SEL1L: variants seen among roughly 807,000 people sequenced by gnomAD.
The protein encoded by SEL1L is protein sel-1 homolog 1.
SEL1L carries 52 observed loss-of-function variants against 109.8 expected under a neutral mutation model. The observed-to-expected ratio is 0.47, with a 90% confidence interval of 0.38 to 0.60. The LOEUF (loss-of-function observed/expected upper bound fraction) is 0.60, where lower values mean the gene tolerates loss of function less well. Among genes scored for constraint, SEL1L ranks in the 20% least tolerant of loss-of-function variants. The pLI is 0.00. For synonymous variants in SEL1L, 373 were observed against 339.6 expected, an observed-to-expected ratio of 1.10 and a Z score of -1.08; for missense variants, 749 against 962.2, an observed-to-expected ratio of 0.78 and a Z score of 2.93.
In SEL1L at chr14:81,533,663, G is replaced by A; in HGVS notation, c.70+12C>T. 1.9e-6 allele frequency: 3 copies of A among 1,611,742 alleles called. No homozygotes were observed. The highest frequency in any genetic ancestry group is 2.2e-5 in the South Asian group (2 of 90,854). Reference sequence around the variant, plus strand: ...GGCTCTGGGCCTTCAGCCCGAGGGGGCGGATACTGACCCGAGGACGCCGAG... The same window carrying A: ...GGCTCTGGGCCTTCAGCCCGAGGGGACGGATACTGACCCGAGGACGCCGAG... On this transcript the variant is annotated intron_variant, in intron 1 of 20. Coordinates refer to ENST00000336735, the MANE Select transcript of SEL1L (RefSeq NM_005065.6).
At position 81,515,150 on chromosome 14, in the gene SEL1L, C is replaced by A. The variant is rs190561165; in HGVS notation, c.341-8909G>T. On this transcript the variant is annotated intron_variant, in intron 3 of 20. Transcript: ENST00000336735. ...ACAAGCAAAGAAATCTCCAAAGGACCACAAACCCCCACAGGCTATTGGTTA... is the reference window on the plus strand; with the variant it reads ...ACAAGCAAAGAAATCTCCAAAGGACAACAAACCCCCACAGGCTATTGGTTA... Among the ~76,000 whole-genome samples the A allele has an allele frequency of 1.8e-3, 278 of 152,212 alleles. 1 individual carries two copies. Among genetic ancestry groups the A allele is most frequent in the African/African-American group, 6.5e-3 (269 of 41,526 alleles).
rs1288930883 is a variant in SEL1L at position 81,472,821 on chromosome 14, C to T, written c.*4151G>A. 4.7e-6 allele frequency: 1 copy of T among 214,018 alleles called. No homozygotes were observed. The highest frequency in any genetic ancestry group is 9.5e-6 in the Non-Finnish European group (1 of 105,168). The allele number at this position is 214,018 out of a possible 1,614,324, so 13.3% of individuals were successfully genotyped here. On this transcript the variant is annotated 3_prime_UTR_variant, in exon 21 of 21. Transcript: ENST00000336735. ...TGCCACAAGTGAATGTTTTCAGAAG[C>T]TTCTGAATTTCCAAAAAACATTAAA...
chr14:81,479,596 G>T lies in SEL1L; in HGVS notation c.2175+16C>A. On this transcript the variant is annotated intron_variant, in intron 20 of 20. Transcript: ENST00000336735. ...CATCATTTATATTTTAATGAAAAGAGGTACGGACCACTTACGTTTGTTTCC... is the reference window on the plus strand; with the variant it reads ...CATCATTTATATTTTAATGAAAAGATGTACGGACCACTTACGTTTGTTTCC... 1 of 1,594,696 alleles carries T rather than the reference G, an allele frequency of 6.3e-7. No homozygotes were observed. The highest frequency in any genetic ancestry group is 1.4e-5 in the African/African-American group (1 of 73,766).
intron 19 of SEL1L, among the ~76,000 whole-genome samples, chr14:81,482,921 C>G (rs975636830): frequency 2.0e-5 from 3 of 152,134 alleles, no homozygotes; most frequent in Admixed American, 2.0e-4. Flanking sequence ...CTTGGTAAAG[C>G]CTTTTGTACT....
At chr14:81,520,844 A>G (rs1041390416) in intron 3 of SEL1L, among the ~76,000 whole-genome samples, 2 of 152,154 alleles carry the variant, frequency 1.3e-5, no homozygotes, top group Admixed American at 1.3e-4. Flanking sequence ...GTAATTATCA[A>G]AGAAGAAACC....
intron 1 of SEL1L, among the ~76,000 whole-genome samples, chr14:81,532,891 T>A (rs948512644): frequency 5.9e-5 from 9 of 152,146 alleles, no homozygotes; most frequent in African/African-American, 2.2e-4. Flanking sequence ...GAAGTTTTCA[T>A]GAACACTCTC....
intron 8 of SEL1L, chr14:81,499,169 C>T: frequency 8.8e-7 from 1 of 1,131,484 alleles, no homozygotes; most frequent in Non-Finnish European, 1.1e-6. Flanking sequence ...ATGATTCTGA[C>T]AATTCCAACT....
chr14:81,523,284 G>A (rs576450192), intron 3 of SEL1L, among the ~76,000 whole-genome samples: 5 of 152,216 alleles, frequency 3.3e-5, no homozygotes, highest in South Asian at 2.1e-4. Context: ...AAATCAACGC[G>A]CAATGATTTA....
chr14:81,492,632 AT>A, intron 11 of SEL1L, 84 bp from the exon 12 acceptor site: 1 of 940,150 alleles, frequency 1.1e-6, no homozygotes, highest in Non-Finnish European at 1.6e-6. Flanking sequence ...TTTCAGGAAC[AT>A]TTAAAAAATC....
At chr14:81,495,625 G>A (rs1053064918) in intron 10 of SEL1L, among the ~76,000 whole-genome samples, 3 of 151,828 alleles carry the variant, frequency 2.0e-5, no homozygotes, top group Admixed American at 6.6e-5. Flanking sequence ...GCGACAGAGA[G>A]AGATGTTTTC....
intron 19 of SEL1L, among the ~76,000 whole-genome samples, chr14:81,481,924 G>C (rs533454355): frequency 6.6e-6 from 1 of 151,760 alleles, no homozygotes; most frequent in Non-Finnish European, 1.5e-5. Context: ...CCAGCTACTC[G>C]GGAGGCTGAG....
chr14:81,496,116 G>A (rs1883737068), intron 10 of SEL1L, among the ~76,000 whole-genome samples: 1 of 152,154 alleles, frequency 6.6e-6, no homozygotes, highest in Admixed American at 6.5e-5. Context: ...GAGGTCAGGA[G>A]ATTGAGACCA....
rs1309207016 is a variant in SEL1L, at chr14:81,471,616, C to G, written c.*5356G>C. 1 of 152,146 alleles carries G rather than the reference C, an allele frequency of 6.6e-6. No individual in the cohort carries two copies. Among genetic ancestry groups the G allele is most frequent in the African/African-American group, 2.4e-5 (1 of 41,434 alleles). The allele number at this position is 152,146 out of a possible 1,614,324, so 9.4% of individuals were successfully genotyped here. A position where few individuals can be genotyped will look rare whatever the true frequency, so the allele number is the denominator to read the frequency against. ...AACTAACCACATTCCACTCAACTTA[C>G]ATGAGAAAAAATTGTGTGGTTTTTA... On this transcript the variant is annotated 3_prime_UTR_variant, in exon 21 of 21. Coordinates refer to ENST00000336735, the MANE Select transcript of SEL1L (RefSeq NM_005065.6).
intron 3 of SEL1L, among the ~76,000 whole-genome samples, chr14:81,517,866 A>G (rs1157413434): frequency 6.6e-6 from 1 of 152,160 alleles, no homozygotes; most frequent in East Asian, 1.9e-4. Flanking sequence ...TGAGTTTTGG[A>G]AACAGAGTAT....
chr14:81,481,485 A>G (rs1422042196), intron 19 of SEL1L, among the ~76,000 whole-genome samples: 2 of 152,130 alleles, frequency 1.3e-5, no homozygotes, highest in African/African-American at 2.4e-5. Context: ...GGTTTTTTCG[A>G]CTGCTATATT....
intron 14 of SEL1L, chr14:81,488,690 A>AG (rs1883422447): frequency 6.5e-6 from 1 of 152,912 alleles, no homozygotes; most frequent in African/African-American, 2.4e-5. Context: ...AGGTCAAGTG[A>AG]GGTAGAACCA....
At chr14:81,497,594 T>C (rs760861372) in intron 10 of SEL1L, among the ~76,000 whole-genome samples, 15 of 152,178 alleles carry the variant, frequency 9.9e-5, no homozygotes, top group Non-Finnish European at 1.6e-4. Context: ...TCATCGGTGT[T>C]AATGCTGCTC....
At chr14:81,496,907 T>C (rs1883780666) in intron 10 of SEL1L, among the ~76,000 whole-genome samples, 1 of 152,140 alleles carries the variant, frequency 6.6e-6, no homozygotes, top group Admixed American at 6.5e-5. Context: ...AAAGTGCTCA[T>C]CGTACCAGAC....
intron 7 of SEL1L, 43 bp from the exon 8 acceptor site, chr14:81,499,561 T>C (rs942581254): frequency 6.2e-7 from 1 of 1,607,006 alleles, no homozygotes; most frequent in Admixed American, 1.7e-5. Flanking sequence ...TAGGCACGCA[T>C]TTATTCAATT....
Sources: gnomAD v4.1 joint callset for allele counts (sites outside exome capture counted in the v4.1 genomes callset) on GRCh38, gnomAD v4.1.1 for gene constraint, MANE v1.5 for transcripts, NCBI Gene and HGNC (gene_info 2026-07-23, HGNC 2026-07-21) for gene names.